The following PHACTR4 variants were observed in gnomAD, a reference collection of about 807,000 sequenced individuals.
The protein encoded by PHACTR4 is protein phosphatase 1, regulatory subunit 124.
A neutral mutation model predicts 72.7 loss-of-function variants in PHACTR4; 51 were observed. That is an observed-to-expected ratio of 0.70 (90% CI 0.56 to 0.89). The LOEUF (loss-of-function observed/expected upper bound fraction) is 0.89. PHACTR4 is among the 40% of genes least tolerant of loss of function. The pLI, the probability that PHACTR4 is intolerant of heterozygous loss-of-function variation, is 0.00. For synonymous variants in PHACTR4, 255 were observed against 302.5 expected, an observed-to-expected ratio of 0.84 and a Z score of 1.63; for missense variants, 731 against 861.8, an observed-to-expected ratio of 0.85 and a Z score of 1.90.
intron 1 of PHACTR4, among the ~76,000 whole-genome samples, chr1:28,397,872 G>A (rs983211096): frequency 6.6e-6 from 1 of 151,252 alleles, no homozygotes; most frequent in East Asian, 2.0e-4. Context: ...ATTTTTTGTT[G>A]TTGTTGTTGT....
At chr1:28,484,428 G>A (rs1234249379) in intron 9 of PHACTR4, among the ~76,000 whole-genome samples, 1 of 151,914 alleles carries the variant, frequency 6.6e-6, no homozygotes, top group East Asian at 1.9e-4. Flanking sequence ...CTATATACTA[G>A]ACAGGGCATA....
intron 1 of PHACTR4, among the ~76,000 whole-genome samples, chr1:28,373,452 G>A (rs895514014): frequency 2.0e-5 from 3 of 152,072 alleles, no homozygotes; most frequent in Non-Finnish European, 4.4e-5. Flanking sequence ...CAACATGCCT[G>A]GCTAATTTTG....
chr1:28,444,085 C>G (rs1428756029), intron 2 of PHACTR4, among the ~76,000 whole-genome samples: 1 of 152,026 alleles, frequency 6.6e-6, no homozygotes, highest in Non-Finnish European at 1.5e-5. Flanking sequence ...TGTACCCTCA[C>G]CAGCACTGGC....
chr1:28,442,911 C>T (rs1363568353), intron 2 of PHACTR4, among the ~76,000 whole-genome samples: 1 of 152,132 alleles, frequency 6.6e-6, no homozygotes, highest in Non-Finnish European at 1.5e-5. Flanking sequence ...TATTCATCAT[C>T]TCCAACATGT....
At chr1:28,379,779 C>T (rs936780601) in intron 1 of PHACTR4, among the ~76,000 whole-genome samples, 8 of 151,218 alleles carry the variant, frequency 5.3e-5, no homozygotes, top group Non-Finnish European at 7.4e-5. Flanking sequence ...TTAGTAGAGA[C>T]GGGGTTTCAC....
chr1:28,449,864 AT>A (rs1168728162), intron 2 of PHACTR4, among the ~76,000 whole-genome samples: 2 of 151,050 alleles, frequency 1.3e-5, no homozygotes, highest in East Asian at 1.9e-4. Context: ...AAAAAAAAAA[AT>A]CACCCCTGAA....
At position 28,459,091 on chromosome 1, in the gene PHACTR4, C is replaced by T. The variant is rs746663073; in HGVS notation, c.23C>T (p.Ala8Val). ...TCTTCTTTTCATGTAACAGAGGAAG[C>T]AGACCAGCCCACTACAGAGCCAGGC... MEDPFEE[A>V]DQPTTEPGMV... is the part of the protein sequence containing the mutation. The change falls in exon 3 of 14, where the codon GCA becomes GTA. Residue 8 changes from alanine to valine, a missense_variant. This residue lies in a region of PHACTR4 where 621 missense variants were observed against 676.6 expected (regional missense o/e 0.92). Coordinates refer to ENST00000373839, the MANE Select transcript of PHACTR4 (RefSeq NM_001048183.3). The T allele has an allele frequency of 6.3e-7, 1 of 1,593,566 alleles. No individual in the cohort carries two copies. Among genetic ancestry groups the T allele is most frequent in the South Asian group, 1.1e-5 (1 of 87,720 alleles).
chr1:28,369,992 G>C lies in PHACTR4; in HGVS notation c.-39+167G>C, dbSNP rs1301984822. ...CGGGCCAGGGCGGGGCGGGGCCGCC[G>C]CCTCCCTCCTCGGCCCTCCCACAAC... On this transcript the variant is annotated intron_variant, in intron 1 of 13. Transcript: ENST00000373839. Among the ~76,000 whole-genome samples the C allele has an allele frequency of 2.6e-5, 4 of 152,094 alleles. No individual in the cohort carries two copies. The East Asian group carries it at 7.8e-4, about 30-fold the overall frequency.
intron 2 of PHACTR4, among the ~76,000 whole-genome samples, chr1:28,412,812 G>T (rs1654870141): frequency 6.6e-6 from 1 of 152,208 alleles, no homozygotes; most frequent in African/African-American, 2.4e-5. Context: ...TGGAAGTCAT[G>T]AGTAAAGTTA....
At chr1:28,471,817 A>T (rs113435303) in intron 6 of PHACTR4, among the ~76,000 whole-genome samples, 3 of 152,132 alleles carry the variant, frequency 2.0e-5, no homozygotes, top group Admixed American at 6.6e-5. Flanking sequence ...GTTGATGGAG[A>T]CAAGGTTGCC....
chr1:28,493,325 G>A (rs1661152192), intron 13 of PHACTR4, among the ~76,000 whole-genome samples: 1 of 152,098 alleles, frequency 6.6e-6, no homozygotes, highest in South Asian at 2.1e-4. Flanking sequence ...ATCACCTGAG[G>A]TCAGGAGTTT....
At chr1:28,442,972 A>G (rs747655794) in intron 2 of PHACTR4, among the ~76,000 whole-genome samples, 15 of 152,102 alleles carry the variant, frequency 9.9e-5, no homozygotes, top group South Asian at 2.1e-4. Flanking sequence ...TTGAAACTAC[A>G]TATTATTAAC....
At chr1:28,465,518 A>G (rs35039036) in intron 4 of PHACTR4, among the ~76,000 whole-genome samples, 167 bp from the exon 5 acceptor site, 1 of 152,156 alleles carries the variant, frequency 6.6e-6, no homozygotes, top group Non-Finnish European at 1.5e-5. Context: ...CGGGAGACCA[A>G]GGCGGGCTGA....
intron 11 of PHACTR4, among the ~76,000 whole-genome samples, 160 bp downstream of exon 11, chr1:28,491,172 C>G (rs1661013349): frequency 6.7e-6 from 1 of 149,344 alleles, no homozygotes; most frequent in Admixed American, 6.7e-5. Context: ...AGTTCAAGAC[C>G]AGCCTGGGGA....
intron 1 of PHACTR4, among the ~76,000 whole-genome samples, chr1:28,389,912 C>T (rs188334944): frequency 3.3e-5 from 5 of 152,252 alleles, no homozygotes; most frequent in South Asian, 2.1e-4. Context: ...GGTATCTGTA[C>T]GCTCATGTTC....
At chr1:28,461,853 CTT>C (rs1199914289) in intron 4 of PHACTR4, among the ~76,000 whole-genome samples, 9 of 141,482 alleles carry the variant, frequency 6.4e-5, no homozygotes, top group Admixed American at 7.1e-5. Context: ...TTCTTTCTTT[CTT>C]TTTTTTTTTT....
At chr1:28,476,652 C>T (rs994344890) in intron 8 of PHACTR4, among the ~76,000 whole-genome samples, 24 of 150,990 alleles carry the variant, frequency 1.6e-4, no homozygotes, top group Admixed American at 1.1e-3. Context: ...GTGATCCTTA[C>T]GCCTCAACCT....
chr1:28,466,480 C>G lies in PHACTR4; in HGVS notation c.535C>G (p.His179Asp). The change falls in exon 6 of 14, where the codon CAT becomes GAT. Residue 179 changes from histidine to aspartate, a missense_variant. His to Asp is a moderately conservative substitution (Grantham distance 81). Around this residue, in one of 2 missense-constraint regions of PHACTR4, gnomAD observed 621 missense variants for 676.6 expected, o/e 0.92. Transcript: ENST00000373839. ...LPPKRPLSSS[H>D]EASEGQAKDA... ...TCCCAAAAGACCCTTGTCCTCTTCT[C>G]ATGAAGCAAGTGAAGGGCAAGCAAA... 6.2e-7 allele frequency: 1 copy of G among 1,614,128 alleles called. No homozygotes were observed. Among genetic ancestry groups the G allele is most frequent in the South Asian group, 1.1e-5 (1 of 91,082 alleles).
At position 28,383,084 on chromosome 1, in the gene PHACTR4, C is replaced by T. The variant is rs150116075; in HGVS notation, c.-39+13259C>T. Among the ~76,000 whole-genome samples, 235 of 152,320 alleles carry T rather than the reference C, an allele frequency of 1.5e-3. 1 individual carries two copies. Among genetic ancestry groups the T allele is most frequent in the African/African-American group, 5.3e-3 (221 of 41,580 alleles). ...TTGGGATTACAGGCATGAGCCACCG[C>T]GCCTGGCCTCGTGCACCATTTATTG... On this transcript the variant is annotated intron_variant, in intron 1 of 13. Coordinates refer to ENST00000373839, the MANE Select transcript of PHACTR4 (RefSeq NM_001048183.3).
Sources: allele counts gnomAD v4.1 joint callset (sites outside exome capture counted in the v4.1 genomes callset), GRCh38; gene constraint gnomAD v4.1.1; regional missense constraint gnomAD v4.1.1; transcripts MANE v1.5; gene names NCBI Gene and HGNC (gene_info 2026-07-23, HGNC 2026-07-21).